The following ZSWIM4 variants were observed in gnomAD, a reference collection of about 807,000 sequenced individuals.
ZSWIM4 encodes zinc finger SWIM-type containing 4.
In ZSWIM4, 62 loss-of-function variants were observed where a neutral mutation model predicts 102.5. The ratio of observed to expected loss-of-function variants is 0.60; its 90% CI spans 0.49 to 0.75. The LOEUF (loss-of-function observed/expected upper bound fraction) is 0.75, where lower values mean the gene tolerates loss of function less well. Among genes scored for constraint, ZSWIM4 ranks in the 30% least tolerant of loss-of-function variants. The pLI is 0.00. For synonymous variants in ZSWIM4, 652 were observed against 674.5 expected, an observed-to-expected ratio of 0.97 and a Z score of 0.52; for missense variants, 1,280 against 1,529.6, an observed-to-expected ratio of 0.84 and a Z score of 2.72.
intron 5 of ZSWIM4, among the ~76,000 whole-genome samples, chr19:13,810,901 C>T (rs1048377703): frequency 9.6e-5 from 14 of 145,864 alleles, no homozygotes; most frequent in Non-Finnish European, 1.5e-4. Flanking sequence ...TGAGCCACCA[C>T]GCCCAGCCTT....
rs1975018710 is a variant in ZSWIM4 at position 13,809,591 on chromosome 19, T to G, written c.1012+371T>G. 1.3e-5 allele frequency among the ~76,000 whole-genome samples: 2 copies of G among 152,140 alleles called. No homozygotes were observed. Among genetic ancestry groups the G allele is most frequent in the Non-Finnish European group, 2.9e-5 (2 of 68,014 alleles). ...TCTGCCTCCCGGACTCAAGTGATCC[T>G]ACACCTCAGCCTCCCAAGTAGCTGG... On this transcript the variant is annotated intron_variant, in intron 5 of 13. Coordinates refer to ENST00000590508, the MANE Select transcript of ZSWIM4 (RefSeq NM_001367834.3). This position sits in a 1 kb window ranked among gnomAD's most constrained non-coding sequence, Gnocchi z 4.2.
At chr19:13,807,790 GATGGGTGT>G (rs1283472422) in intron 3 of ZSWIM4, among the ~76,000 whole-genome samples, 4 of 122,622 alleles carry the variant, frequency 3.3e-5, no homozygotes, top group African/African-American at 7.3e-5. Flanking sequence ...TGGATGGATG[GATGGGTGT>G]ATGGGTGTAT....
At chr19:13,824,095 AG>A (rs1232815989) in intron 11 of ZSWIM4, among the ~76,000 whole-genome samples, 1 of 146,776 alleles carries the variant, frequency 6.8e-6, no homozygotes, top group Admixed American at 6.9e-5. Flanking sequence ...GAGAGATAGT[AG>A]GGGGGGATAG....
At chr19:13,819,157 C>A (rs1214447180) in intron 9 of ZSWIM4, among the ~76,000 whole-genome samples, 200 bp from the exon 10 acceptor site, 1 of 152,212 alleles carries the variant, frequency 6.6e-6, no homozygotes, top group Non-Finnish European at 1.5e-5. Flanking sequence ...AGCCACCGCG[C>A]CAGGCCTCCT....
intron 7 of ZSWIM4, 122 bp from the exon 8 acceptor site, chr19:13,817,094 G>C: frequency 7.4e-7 from 1 of 1,360,436 alleles, no homozygotes. Flanking sequence ...GGTGACCATT[G>C]GGTGAGCAGG....
chr19:13,800,351 C>T (rs1327349743), intron 2 of ZSWIM4, among the ~76,000 whole-genome samples: 1 of 145,712 alleles, frequency 6.9e-6, no homozygotes, highest in African/African-American at 2.5e-5. Flanking sequence ...CTGCAAGCTC[C>T]GCCTCCCGGG....
At chr19:13,818,030 G>A (rs1019534723) in intron 9 of ZSWIM4, 54 bp downstream of exon 9, 2 of 1,433,898 alleles carry the variant, frequency 1.4e-6, no homozygotes, top group Non-Finnish European at 1.8e-6. Flanking sequence ...TCCAGCCCCT[G>A]GTCCTGTAGC....
intron 1 of ZSWIM4, chr19:13,797,021 A>T (rs970148948): frequency 1.3e-5 from 2 of 152,354 alleles, no homozygotes; most frequent in African/African-American, 4.8e-5. Context: ...CTAGAAACCC[A>T]GGTGGAGTAG....
At position 13,825,533 on chromosome 19, in the gene ZSWIM4, T is replaced by TCCCG. The variant is rs1568344768; in HGVS notation, c.2216-13_2216-10dup. The TCCCG allele has an allele frequency of 6.2e-7, 1 of 1,612,144 alleles. No individual in the cohort carries two copies. The highest frequency in any genetic ancestry group is 8.5e-7 in the Non-Finnish European group (1 of 1,178,794). ...GAGGTGTATCCGATGGTGTCCTCTG[T>TCCCG]CCCGCCCTTCACCCAGGAGACCCCA... is the stretch of plus-strand genomic sequence containing the variant. On this transcript the variant is annotated splice_polypyrimidine_tract_variant and intron_variant, in intron 11 of 13. Transcript: ENST00000590508. This position sits in a 1 kb window ranked among gnomAD's most constrained non-coding sequence, Gnocchi z 4.6.
intron 3 of ZSWIM4, 96 bp from the exon 4 acceptor site, chr19:13,808,740 C>CA (rs755959483): frequency 0.078 from 64,336 of 824,748 alleles, 10 homozygotes; most frequent in East Asian, 0.085. Context: ...ACTCCGTCTC[C>CA]AAAAAAAAAA....
At chr19:13,829,968 G>A (rs1447286373) in intron 13 of ZSWIM4, among the ~76,000 whole-genome samples, 1 of 152,224 alleles carries the variant, frequency 6.6e-6, no homozygotes, top group Non-Finnish European at 1.5e-5. Flanking sequence ...TAATGTGGCT[G>A]CAGGGGGTTG....
rs34724629 is a variant in ZSWIM4 at position 13,832,230 on chromosome 19, C to CAAAAAAA, written c.*1198_*1204dup. The CAAAAAAA allele has an allele frequency of 1.3e-3, 74 of 55,260 alleles. 2 individuals carry two copies. Among genetic ancestry groups the CAAAAAAA allele is most frequent in the African/African-American group, 5.1e-3 (70 of 13,700 alleles). The allele number at this position is 55,260 out of a possible 1,614,324, so 3.4% of individuals were successfully genotyped here. A position where few individuals can be genotyped will look rare whatever the true frequency, so the allele number is the denominator to read the frequency against. ...CACACCCTCAACCTCGTTTCCTCCG[C>CAAAAAAA]AAAAAAAAAAAAAAAAAAAAAAAAT... On this transcript the variant is annotated 3_prime_UTR_variant, in exon 14 of 14. Coordinates refer to ENST00000590508, the MANE Select transcript of ZSWIM4 (RefSeq NM_001367834.3).
chr19:13,803,296 G>A (rs943113691), intron 2 of ZSWIM4, among the ~76,000 whole-genome samples: 2 of 152,212 alleles, frequency 1.3e-5, no homozygotes, highest in Non-Finnish European at 2.9e-5. Flanking sequence ...GCCCAGGGAG[G>A]GGCAGGGGGA....
chr19:13,830,663 G>A lies in ZSWIM4; in HGVS notation c.2934G>A (p.Glu978=). 6.2e-7 allele frequency: 1 copy of A among 1,603,518 alleles called. No individual in the cohort carries two copies. The highest frequency in any genetic ancestry group is 2.2e-5 in the East Asian group (1 of 44,864). Reference sequence around the variant, plus strand: ...TCAGCCACTCCCTGGGCCGGCACGAGCTCTCTGCCATCGTCCCCCTCATCA... The same window carrying A: ...TCAGCCACTCCCTGGGCCGGCACGAACTCTCTGCCATCGTCCCCCTCATCA... ...CSLSHSLGRH[E]LSAIVPLIIR... Residue 978 remains glutamate, a synonymous_variant, in exon 14 of 14, where the codon GAG becomes GAA. Coordinates refer to ENST00000590508, the MANE Select transcript of ZSWIM4 (RefSeq NM_001367834.3).
intron 2 of ZSWIM4, among the ~76,000 whole-genome samples, chr19:13,803,504 G>A (rs986904634): frequency 1.4e-4 from 21 of 152,056 alleles, no homozygotes; most frequent in Non-Finnish European, 3.1e-4. Context: ...GTGTTGGGCT[G>A]GGCTCGGTGG....
intron 10 of ZSWIM4, among the ~76,000 whole-genome samples, chr19:13,820,956 C>T (rs371244710): frequency 2.6e-5 from 4 of 151,322 alleles, no homozygotes; most frequent in African/African-American, 9.7e-5. Flanking sequence ...TCATTTATCA[C>T]GTACACCAGC....
intron 5 of ZSWIM4, among the ~76,000 whole-genome samples, chr19:13,811,358 A>G (rs1031769909): frequency 2.0e-5 from 3 of 152,142 alleles, no homozygotes; most frequent in Non-Finnish European, 2.9e-5. Context: ...TAGCATTTCA[A>G]TAAAACTTTA....
chr19:13,815,534 A>C (rs1261047865), intron 7 of ZSWIM4, among the ~76,000 whole-genome samples: 1 of 132,270 alleles, frequency 7.6e-6, no homozygotes, highest in Non-Finnish European at 1.5e-5. Flanking sequence ...GCAGTGGCGC[A>C]ATCTCAGCTT....
intron 2 of ZSWIM4, among the ~76,000 whole-genome samples, chr19:13,800,296 C>T (rs1974732727): frequency 4.2e-5 from 4 of 95,064 alleles, no homozygotes; most frequent in South Asian, 3.7e-4. Flanking sequence ...GACGGAGTCT[C>T]GCTTTTTCGC....
Sources: gnomAD v4.1 joint callset for allele counts (sites outside exome capture counted in the v4.1 genomes callset) on GRCh38, gnomAD v4.1.1 for gene constraint, Gnocchi (gnomAD v3.1) non-coding constraint, MANE v1.5 for transcripts, NCBI Gene and HGNC (gene_info 2026-07-23, HGNC 2026-07-21) for gene names.